Variants in NRG3 observed in about 807,000 individuals in gnomAD.
NRG3 encodes pro-neuregulin-3, membrane-bound isoform.
NRG3 carries 31 observed loss-of-function variants against 66.9 expected under a neutral mutation model. That is an observed-to-expected ratio of 0.46 (90% CI 0.35 to 0.63). NRG3 has a LOEUF of 0.63. NRG3 is among the 20% of genes least tolerant of loss of function. The pLI, the probability that NRG3 is intolerant of heterozygous loss-of-function variation, is 0.00. For synonymous variants in NRG3, 393 were observed against 359.4 expected (o/e 1.09, Z -1.06); for missense variants, 910 against 878.9 (o/e 1.04, Z -0.45).
intron 1 of NRG3, among the ~76,000 whole-genome samples, chr10:82,228,206 C>T (rs1422663602): frequency 6.6e-6 from 1 of 152,066 alleles, no homozygotes; most frequent in Non-Finnish European, 1.5e-5. Flanking sequence ...AAATACAATA[C>T]AATAGGAGTG....
intron 1 of NRG3, among the ~76,000 whole-genome samples, chr10:82,225,143 G>A (rs575342867): frequency 6.6e-6 from 1 of 152,010 alleles, no homozygotes; most frequent in South Asian, 2.1e-4. Context: ...GACCACAAAA[G>A]ATAAGTAAAA....
intron 3 of NRG3, among the ~76,000 whole-genome samples, chr10:82,819,866 C>T (rs1363802497): frequency 1.3e-5 from 2 of 152,182 alleles, no homozygotes; most frequent in Non-Finnish European, 2.9e-5. Flanking sequence ...GGGTTTAGTA[C>T]TGCAATTTGC....
At chr10:82,079,194 G>T (rs1277246871) in intron 1 of NRG3, among the ~76,000 whole-genome samples, 1 of 151,810 alleles carries the variant, frequency 6.6e-6, no homozygotes, top group Non-Finnish European at 1.5e-5. Context: ...ACAGGTGCCT[G>T]CCACAACGCC....
intron 1 of NRG3, among the ~76,000 whole-genome samples, chr10:82,029,800 A>C (rs925710867): frequency 6.6e-6 from 1 of 152,078 alleles, no homozygotes; most frequent in African/African-American, 2.4e-5. Context: ...ATGATTAATT[A>C]ATGTTTACCT....
chr10:82,965,148 A>G (rs1851087751), intron 6 of NRG3, among the ~76,000 whole-genome samples: 1 of 152,216 alleles, frequency 6.6e-6, no homozygotes, highest in Non-Finnish European at 1.5e-5. Flanking sequence ...TGCTGAGAGC[A>G]CCATTGAATG....
chr10:82,123,922 A>G (rs145109055), intron 1 of NRG3, among the ~76,000 whole-genome samples: 3 of 151,962 alleles, frequency 2.0e-5, no homozygotes, highest in African/African-American at 4.8e-5. Context: ...GGGGAAACCA[A>G]TTTCATTTGA....
rs190171935 is a variant in NRG3, at chr10:82,241,039, T to C, written c.824-117700T>C. ...ACACACATGTTGGAGATGAAATTCC[T>C]TGAGTTTTTGGGAGAAAATAAGAAA... On this transcript the variant is annotated intron_variant, in intron 1 of 8. Coordinates refer to ENST00000372141, the MANE Select transcript of NRG3 (RefSeq NM_001010848.4). Among the ~76,000 whole-genome samples, 43 of 152,264 alleles carry C rather than the reference T, an allele frequency of 2.8e-4. No individual in the cohort carries two copies. In the East Asian group the frequency reaches 8.3e-3, roughly 29 times the overall value.
In NRG3 at chr10:82,968,662, A is replaced by T. The variant is rs71485120; in HGVS notation, c.1285-5126A>T. ...AAGGAAGGAAGGGAGGAAGGGAGGC[A>T]GGGAGGGAGGGAGGCAGGGAGGGAG... On this transcript the variant is annotated intron_variant, in intron 6 of 8. Transcript: ENST00000372141. Among the ~76,000 whole-genome samples the T allele has an allele frequency of 8.5e-4, 122 of 143,254 alleles. 1 individual carries two copies. The South Asian group carries it at 0.013, about 15-fold the overall frequency. The allele number at this position is 143,254 out of a possible 152,430, so 94.0% of individuals were successfully genotyped here.
intron 1 of NRG3, among the ~76,000 whole-genome samples, chr10:82,236,266 T>C (rs2076748120): frequency 1.3e-5 from 2 of 152,146 alleles, no homozygotes; most frequent in African/African-American, 4.8e-5. Context: ...CAAGCACAAC[T>C]GGAAGGAGCT....
At chr10:82,593,450 A>G (rs767560613) in intron 2 of NRG3, among the ~76,000 whole-genome samples, 15 of 152,226 alleles carry the variant, frequency 9.9e-5, no homozygotes, top group Non-Finnish European at 2.1e-4. Flanking sequence ...TTATTTATAA[A>G]GAAGCATGCT....
chr10:81,918,992 CACAT>C (rs1554855049), intron 1 of NRG3, among the ~76,000 whole-genome samples: 7 of 147,980 alleles, frequency 4.7e-5, no homozygotes, highest in Non-Finnish European at 1.0e-4. Flanking sequence ...CACACACACA[CACAT>C]ACATACACAC....
At chr10:82,827,186 CTT>C (rs770070205) in intron 3 of NRG3, 4 of 257,428 alleles carry the variant, frequency 1.6e-5, no homozygotes, top group Admixed American at 1.2e-4. Flanking sequence ...ATATGTGAGA[CTT>C]TTTGTTACCA....
intron 2 of NRG3, among the ~76,000 whole-genome samples, chr10:82,380,371 G>C (rs563620360): frequency 6.6e-6 from 1 of 152,092 alleles, no homozygotes; most frequent in East Asian, 1.9e-4. Flanking sequence ...CAGTTAACCA[G>C]TATGTATAGA....
intron 1 of NRG3, among the ~76,000 whole-genome samples, chr10:82,182,018 T>C (rs531702732): frequency 6.6e-6 from 1 of 151,964 alleles, no homozygotes; most frequent in African/African-American, 2.4e-5. Flanking sequence ...CTTGCTCTTG[T>C]GACAGTTTTT....
chr10:82,428,902 T>C (rs953525629), intron 2 of NRG3, among the ~76,000 whole-genome samples: 4 of 151,974 alleles, frequency 2.6e-5, no homozygotes, highest in African/African-American at 7.2e-5. Context: ...TAGGTGTATA[T>C]ATGTTTATAT....
chr10:82,917,996 ATGTATGTATCTCTCTC>A (rs1846041296), intron 4 of NRG3, among the ~76,000 whole-genome samples: 28 of 124,396 alleles, frequency 2.3e-4, no homozygotes, highest in East Asian at 6.6e-4. Context: ...ATATATATGT[ATGTATGTATCTCTCTC>A]TATATATATA....
chr10:82,365,639 C>T (rs189657819), intron 2 of NRG3, among the ~76,000 whole-genome samples: 3 of 152,180 alleles, frequency 2.0e-5, no homozygotes, highest in East Asian at 1.9e-4. Flanking sequence ...TCTTCTAATT[C>T]GACCTCTTTG....
At chr10:82,908,627 CCT>C (rs1844990872) in intron 4 of NRG3, among the ~76,000 whole-genome samples, 1 of 152,160 alleles carries the variant, frequency 6.6e-6, no homozygotes, top group South Asian at 2.1e-4. Flanking sequence ...CACCTGCAAT[CCT>C]CTCTGTCTGT....
chr10:82,136,486 A>G (rs1472699305), intron 1 of NRG3, among the ~76,000 whole-genome samples: 1 of 152,150 alleles, frequency 6.6e-6, no homozygotes, highest in Non-Finnish European at 1.5e-5. Context: ...GGAGTCAGAA[A>G]CATTAGGAAT....
Sources: allele counts gnomAD v4.1 joint callset (sites outside exome capture counted in the v4.1 genomes callset), GRCh38; gene constraint gnomAD v4.1.1; transcripts MANE v1.5; gene names NCBI Gene and HGNC (gene_info 2026-07-23, HGNC 2026-07-21).